Variants in SLC12A1 observed in about 807,000 individuals in gnomAD.
The protein encoded by SLC12A1 is Na-K-2Cl cotransporter.
SLC12A1 carries 89 observed loss-of-function variants against 130.4 expected under a neutral mutation model. The observed-to-expected ratio is 0.68, with a 90% confidence interval of 0.58 to 0.81. The LOEUF (loss-of-function observed/expected upper bound fraction) is 0.81. Among genes scored for constraint, SLC12A1 ranks in the 40% least tolerant of loss-of-function variants. The pLI, the probability that SLC12A1 is intolerant of heterozygous loss-of-function variation, is 0.00. For missense variants in SLC12A1, 1,310 were observed against 1,336.4 expected (o/e 0.98, Z 0.31); for synonymous variants, 499 against 460.0 (o/e 1.08, Z -1.09).
intron 17 of SLC12A1, among the ~76,000 whole-genome samples, chr15:48,264,628 T>A (rs897528692): frequency 6.6e-6 from 1 of 152,176 alleles, no homozygotes; most frequent in Non-Finnish European, 1.5e-5. Flanking sequence ...CTAGCATGTA[T>A]GGTAAGATAA....
chr15:48,265,740 A>G (rs1209965907), intron 17 of SLC12A1, among the ~76,000 whole-genome samples: 1 of 152,194 alleles, frequency 6.6e-6, no homozygotes, highest in Non-Finnish European at 1.5e-5. Context: ...TGCTGGAAAA[A>G]ATAAGAATAT....
chr15:48,216,157 G>C (rs1016115410), intron 2 of SLC12A1, among the ~76,000 whole-genome samples: 6 of 152,070 alleles, frequency 3.9e-5, no homozygotes, highest in African/African-American at 1.2e-4. Flanking sequence ...ACCCTACATT[G>C]ACTACACCTT....
intron 4 of SLC12A1, chr15:48,223,726 CT>C (rs925330361): frequency 6.6e-6 from 1 of 152,164 alleles, no homozygotes; most frequent in African/African-American, 2.4e-5. Context: ...AATAAATCAC[CT>C]TTAGTGGCAC....
rs779374954 is a variant in SLC12A1 at position 48,299,179 on chromosome 15, C to A, written c.3000C>A (p.Leu1000=). Residue 1000 remains leucine, a synonymous_variant, in exon 25 of 27, where the codon CTC becomes CTA. Coordinates refer to ENST00000380993, the MANE Select transcript of SLC12A1 (RefSeq NM_000338.3). ...AAGAGATGATTGAACCATATCGTCT[C>A]CATGAAAGCTGCAAAGATTTAACAA... ...VFEEMIEPYR[L]HESCKDLTTA... 2.5e-6 allele frequency: 4 copies of A among 1,605,966 alleles called. No homozygotes were observed. Among genetic ancestry groups the A allele is most frequent in the Admixed American group, 1.7e-5 (1 of 58,104 alleles).
chr15:48,209,347 G>A (rs1005714399), intron 2 of SLC12A1, among the ~76,000 whole-genome samples: 1 of 152,138 alleles, frequency 6.6e-6, no homozygotes, highest in Non-Finnish European at 1.5e-5. Context: ...GATTACAGGT[G>A]TGAGCCACCA....
intron 7 of SLC12A1, among the ~76,000 whole-genome samples, chr15:48,231,154 A>T (rs997391032): frequency 1.3e-5 from 2 of 152,190 alleles, no homozygotes; most frequent in Non-Finnish European, 2.9e-5. Context: ...AAAGCCTCCC[A>T]CCTATAAGTC....
At chr15:48,250,222 C>T (rs190349196) in intron 14 of SLC12A1, among the ~76,000 whole-genome samples, 1 of 152,312 alleles carries the variant, frequency 6.6e-6, no homozygotes, top group East Asian at 1.9e-4. Context: ...CTCCTCACCT[C>T]TTCTTTGCTT....
intron 18 of SLC12A1, among the ~76,000 whole-genome samples, chr15:48,268,628 G>A (rs950047878): frequency 2.0e-5 from 3 of 152,112 alleles, no homozygotes; most frequent in South Asian, 2.1e-4. Flanking sequence ...GAACACTTGC[G>A]AAGTAGATGC....
At chr15:48,258,079 CG>C (rs2041728207) in intron 16 of SLC12A1, among the ~76,000 whole-genome samples, 1 of 126,502 alleles carries the variant, frequency 7.9e-6, no homozygotes, top group Non-Finnish European at 1.5e-5. Context: ...GTGACCTTTA[CG>C]GCCGGGCGCG....
At chr15:48,208,233 G>C in intron 2 of SLC12A1, 94 bp downstream of exon 2, 6 of 1,243,600 alleles carry the variant, frequency 4.8e-6, no homozygotes, top group Non-Finnish European at 6.7e-6. Context: ...ATGTGAAACA[G>C]TCAAATGGAG....
chr15:48,283,170 T>G (rs1179718609), intron 20 of SLC12A1, among the ~76,000 whole-genome samples: 1 of 152,218 alleles, frequency 6.6e-6, no homozygotes, highest in African/African-American at 2.4e-5. Flanking sequence ...GCCTATAGAA[T>G]GCCATTCTTG....
chr15:48,237,981 G>A (rs1324932259), intron 9 of SLC12A1, among the ~76,000 whole-genome samples: 1 of 151,928 alleles, frequency 6.6e-6, no homozygotes, highest in African/African-American at 2.4e-5. Flanking sequence ...CAGAGGAGAA[G>A]AACCAAAGAT....
chr15:48,291,743 T>G, intron 23 of SLC12A1, 35 bp from the exon 24 acceptor site: 1 of 1,209,556 alleles, frequency 8.3e-7, no homozygotes, highest in East Asian at 2.5e-5. Flanking sequence ...TAGTTAAATA[T>G]GCAATGATGA....
chr15:48,299,296 A>G, intron 25 of SLC12A1, 21 bp downstream of exon 25: 1 of 1,556,608 alleles, frequency 6.4e-7, no homozygotes, highest in Non-Finnish European at 8.6e-7. Flanking sequence ...GTCTTTCTTA[A>G]TTTTTTTGCT....
chr15:48,229,134 T>C, intron 5 of SLC12A1, 55 bp from the exon 6 acceptor site: 2 of 1,522,622 alleles, frequency 1.3e-6, no homozygotes, highest in Non-Finnish European at 1.8e-6. Context: ...CACAATCGTT[T>C]GGTTATATAA....
At chr15:48,271,041 T>C (rs2041893149) in intron 19 of SLC12A1, among the ~76,000 whole-genome samples, 3 of 151,050 alleles carry the variant, frequency 2.0e-5, no homozygotes, top group South Asian at 2.1e-4. Flanking sequence ...CTGGCCAACA[T>C]GGTGAAACCC....
Position 48,301,315 on chromosome 15 carries a change from A to G in SLC12A1, c.3097A>G (p.Ser1033Gly), listed in dbSNP as rs1421551251. Residue 1033 changes from serine to glycine, a missense_variant and splice_region_variant, in exon 26 of 27, where the codon AGT becomes GGT. Transcript: ENST00000380993. Reference sequence around the variant, plus strand: ...CAACAAATCTGAATGTTGCCCACAGAGTTACCGCCAAGTTCGACTGAATGA... The same window carrying G: ...CAACAAATCTGAATGTTGCCCACAGGGTTACCGCCAAGTTCGACTGAATGA... ...DAELEAVKEK[S>G]YRQVRLNELL... 2 of 1,597,752 alleles carry G rather than the reference A, an allele frequency of 1.3e-6. No homozygotes were observed. The highest frequency in any genetic ancestry group is 1.1e-5 in the South Asian group (1 of 87,804).
At chr15:48,271,053 G>C (rs1040620088) in intron 19 of SLC12A1, among the ~76,000 whole-genome samples, 1 of 150,950 alleles carries the variant, frequency 6.6e-6, no homozygotes, top group Non-Finnish European at 1.5e-5. Context: ...GTGAAACCCC[G>C]TCTCTACTAA....
Position 48,258,355 on chromosome 15 carries a change from C to T in SLC12A1, c.2043-845C>T, listed in dbSNP as rs1321430539. Among the ~76,000 whole-genome samples, 13 of 36,798 alleles carry T rather than the reference C, an allele frequency of 3.5e-4. No individual in the cohort carries two copies. In the Admixed American group the frequency reaches 3.5e-3, roughly 10 times the overall value. 24.1% of individuals were successfully genotyped at this position (36,798 alleles called of 152,430 possible). ...CAGCCTGGGCGACAGAGCGAGACTC[C>T]GTCTCAAAAAAAAAAAAAAAAAAAA... On this transcript the variant is annotated intron_variant, in intron 16 of 26. Transcript: ENST00000380993.
Sources: allele counts gnomAD v4.1 joint callset (sites outside exome capture counted in the v4.1 genomes callset), GRCh38; gene constraint gnomAD v4.1.1; transcripts MANE v1.5; gene names NCBI Gene and HGNC (gene_info 2026-07-23, HGNC 2026-07-21).